PDLIM4: variants seen among roughly 807,000 people sequenced by gnomAD.
PDLIM4 encodes PDZ and LIM domain 4.
PDLIM4 carries 19 observed loss-of-function variants against 31.3 expected under a neutral mutation model. The ratio of observed to expected loss-of-function variants is 0.61; its 90% CI spans 0.42 to 0.89. The LOEUF is 0.89. PDLIM4 is among the 40% of genes least tolerant of loss of function. The pLI, the probability that PDLIM4 is intolerant of heterozygous loss-of-function variation, is 0.00. For synonymous variants in PDLIM4, 176 were observed against 190.1 expected (o/e 0.93, Z 0.61); for missense variants, 442 against 461.1 (o/e 0.96, Z 0.38).
In PDLIM4 at chr5:132,266,514, C is replaced by A. The variant is rs1756495951; in HGVS notation, c.296C>A (p.Ala99Glu). The A allele has an allele frequency of 6.2e-7, 1 of 1,613,280 alleles. No individual in the cohort carries two copies. The highest frequency in any genetic ancestry group is 8.5e-7 in the Non-Finnish European group (1 of 1,179,400). The stretch of plus-strand genomic sequence containing the variant: ...GCCCCTGATGACAGCAAGGCTCAGG[C>A]ACACAGGATCCACATCGATCCTGAG... ...PSAPDDSKAQ[A>E]HRIHIDPEIQ... Residue 99 changes from alanine (A) to glutamate (E), a missense_variant, in exon 3 of 7, where the codon GCA becomes GAA. Transcript: ENST00000253754.
chr5:132,271,747 T>C (rs1437620705), intron 5 of PDLIM4, 44 bp from the exon 6 acceptor site: 2 of 1,330,644 alleles, frequency 1.5e-6, no homozygotes, highest in South Asian at 2.3e-5. Context: ...AATGGAGTTC[T>C]GACCTCCTCA....
chr5:132,272,640 CG>C lies in PDLIM4; in HGVS notation c.*416del. 1 of 281,474 alleles carries C rather than the reference CG, an allele frequency of 3.6e-6. No individual in the cohort carries two copies. The highest frequency in any genetic ancestry group is 8.5e-5 in the East Asian group (1 of 11,728). 17.4% of individuals were successfully genotyped at this position (281,474 alleles called of 1,614,324 possible). A position where few individuals can be genotyped will look rare whatever the true frequency, so the allele number is the denominator to read the frequency against. ...AGATGAGGGAGGCACAAACTCTGCA[CG>C]GGGGAACTGTGTGTGCAAAGGTGAG... On this transcript the variant is annotated 3_prime_UTR_variant, in exon 7 of 7. Transcript: ENST00000253754.
At chr5:132,267,601 C>T (rs987642284) in intron 3 of PDLIM4, among the ~76,000 whole-genome samples, 5 of 152,124 alleles carry the variant, frequency 3.3e-5, no homozygotes, top group African/African-American at 4.8e-5. Context: ...AAGCCAAGAC[C>T]TGAAGGGCTA....
chr5:132,272,125 G>A lies in PDLIM4; in HGVS notation c.889G>A (p.Asp297Asn). 6.2e-7 allele frequency: 1 copy of A among 1,614,252 alleles called. No homozygotes were observed. The highest frequency in any genetic ancestry group is 1.1e-5 in the South Asian group (1 of 91,088). ...NLKQRGYFFL[D>N]ERLYCESHAK... Reference sequence around the variant, plus strand: ...CAAGCAGCGTGGTTACTTCTTTCTGGACGAGCGGCTCTACTGTGAGAGCCA... The same window carrying A: ...CAAGCAGCGTGGTTACTTCTTTCTGAACGAGCGGCTCTACTGTGAGAGCCA... The change falls in exon 7 of 7, where the codon GAC becomes AAC. Residue 297 changes from aspartate (D) to asparagine (N), a missense_variant. Physicochemically the swap from Asp to Asn is conservative, Grantham distance 23. Coordinates refer to ENST00000253754, the MANE Select transcript of PDLIM4 (RefSeq NM_003687.4).
Position 132,266,557 on chromosome 5 carries a change from C to T in PDLIM4, c.327+12C>T, listed in dbSNP as rs753733054. ...ATCCTGAGATCCAGGTATGTACAGA[C>T]ACTGCCTGGCCTGGCCTGGCTCAGA... On this transcript the variant is annotated intron_variant, in intron 3 of 6. Transcript: ENST00000253754. The T allele has an allele frequency of 3.8e-6, 6 of 1,592,324 alleles. No homozygotes were observed. Among genetic ancestry groups the T allele is most frequent in the Non-Finnish European group, 5.2e-6 (6 of 1,161,310 alleles).
At chr5:132,266,569 T>A in intron 3 of PDLIM4, 24 bp downstream of exon 3, 1 of 1,553,342 alleles carries the variant, frequency 6.4e-7, no homozygotes, top group Non-Finnish European at 8.9e-7. Context: ...CTGCCTGGCC[T>A]GGCCTGGCTC....
chr5:132,258,980 A>G (rs1756308400), intron 1 of PDLIM4, among the ~76,000 whole-genome samples: 1 of 152,104 alleles, frequency 6.6e-6, no homozygotes, highest in Non-Finnish European at 1.5e-5. Context: ...GCGTGGAATC[A>G]TGGAATCCCG....
chr5:132,257,780 C>G lies in PDLIM4; in HGVS notation c.46C>G (p.Arg16Gly). ...GCGCGGGCCTTCGCCCTGGGGCTTC[C>G]GCCTGGTGGGCGGCCGGGACTTCAG... ...TLRGPSPWGF[R>G]LVGGRDFSAP... The change falls in exon 1 of 7, where the codon CGC becomes GGC. Residue 16 changes from arginine to glycine, a missense_variant. Coordinates refer to ENST00000253754, the MANE Select transcript of PDLIM4 (RefSeq NM_003687.4). This position sits in a 1 kb window ranked among gnomAD's most constrained non-coding sequence, Gnocchi z 4.3. 1.3e-6 allele frequency: 2 copies of G among 1,506,484 alleles called. No homozygotes were observed. Among genetic ancestry groups the G allele is most frequent in the Non-Finnish European group, 1.8e-6 (2 of 1,132,380 alleles). The allele number at this position is 1,506,484 out of a possible 1,614,324, so 93.3% of individuals were successfully genotyped here.
At chr5:132,264,508 C>A (rs1433795784) in intron 2 of PDLIM4, among the ~76,000 whole-genome samples, 1 of 152,166 alleles carries the variant, frequency 6.6e-6, no homozygotes, top group African/African-American at 2.4e-5. Flanking sequence ...AAAATATGGA[C>A]CATCTTGCGC....
At chr5:132,270,363 A>G (rs1407758304) in intron 3 of PDLIM4, 1 of 153,420 alleles carries the variant, frequency 6.5e-6, no homozygotes, top group African/African-American at 2.4e-5. Flanking sequence ...TGACCTCACA[A>G]TGGCACTCTT....
rs1175466311 is a variant in PDLIM4 at position 132,266,743 on chromosome 5, T to C, written c.327+198T>C. The C allele has an allele frequency of 1.3e-5, 6 of 467,992 alleles. No homozygotes were observed. In the Admixed American group the frequency reaches 2.3e-4, roughly 18 times the overall value. The allele number at this position is 467,992 out of a possible 1,614,324, so 29.0% of individuals were successfully genotyped here. A position where few individuals can be genotyped will look rare whatever the true frequency, so the allele number is the denominator to read the frequency against. ...CAGATGATGAGCACCTGGTGTGGGC[T>C]CTGTCTCTACTCCGGGCAATCCTGG... On this transcript the variant is annotated intron_variant, in intron 3 of 6. Coordinates refer to ENST00000253754, the MANE Select transcript of PDLIM4 (RefSeq NM_003687.4).
At chr5:132,261,875 A>G (rs1300901642) in intron 1 of PDLIM4, among the ~76,000 whole-genome samples, 1 of 152,188 alleles carries the variant, frequency 6.6e-6, no homozygotes, top group Non-Finnish European at 1.5e-5. Context: ...CATTTTAATT[A>G]TAATGAAGTA....
chr5:132,271,012 G>A lies in PDLIM4; in HGVS notation c.425G>A (p.Arg142His), dbSNP rs755408398. The A allele has an allele frequency of 5.6e-6, 9 of 1,614,096 alleles. No individual in the cohort carries two copies. The highest frequency in any genetic ancestry group is 1.1e-5 in the South Asian group (1 of 91,076). The change falls in exon 4 of 7, where the codon CGC becomes CAC. Residue 142 changes from arginine to histidine, a missense_variant. By Grantham distance (29) the Arg-to-His change is conservative. Transcript: ENST00000253754. ...GGATCTCCATATGGACAACCCCCTC[G>A]CTTTCCAGTCCCTCACAATGGCAGC... is the stretch of plus-strand genomic sequence containing the variant. ...SLGSPYGQPPRFPVPHNGSSE... is the reference protein window; with the variant it reads ...SLGSPYGQPPHFPVPHNGSSE...
At chr5:132,266,990 C>T (rs374345465) in intron 3 of PDLIM4, among the ~76,000 whole-genome samples, 1 of 152,216 alleles carries the variant, frequency 6.6e-6, no homozygotes, top group African/African-American at 2.4e-5. Flanking sequence ...AAGTTCTCTC[C>T]TGGCCATCCT....
intron 5 of PDLIM4, 23 bp downstream of exon 5, chr5:132,271,489 C>T (rs1352773405): frequency 6.2e-7 from 1 of 1,605,680 alleles, no homozygotes; most frequent in Non-Finnish European, 8.5e-7. Flanking sequence ...CCACCTGTCC[C>T]CATCTGCCTT....
chr5:132,264,159 G>C (rs1223711300), intron 2 of PDLIM4, among the ~76,000 whole-genome samples: 1 of 152,144 alleles, frequency 6.6e-6, no homozygotes, highest in Non-Finnish European at 1.5e-5. Flanking sequence ...CCTCAGAGGG[G>C]GCCTGAGTCA....
Position 132,257,861 on chromosome 5 carries a change from C to CTCAGACATGGGACCG in PDLIM4, c.93+34_93+35insTCAGACATGGGACCG. Reference sequence around the variant, plus strand: ...GGCGGCTGCGTGGCGGCAGGGCGGTCCCATGTCTGAGACCGGGTTCTCGCG... The same window carrying CTCAGACATGGGACCG: ...GGCGGCTGCGTGGCGGCAGGGCGGTCTCAGACATGGGACCGCCATGTCTGAGACCGGGTTCTCGCG... On this transcript the variant is annotated intron_variant, in intron 1 of 6. Transcript: ENST00000253754. The surrounding 1 kb of genome is among the most constrained non-coding windows in gnomAD (Gnocchi z 4.3). 2 of 1,275,684 alleles carry CTCAGACATGGGACCG rather than the reference C, an allele frequency of 1.6e-6. No homozygotes were observed. Among genetic ancestry groups the CTCAGACATGGGACCG allele is most frequent in the Non-Finnish European group, 2.1e-6 (2 of 953,308 alleles). 79.0% of individuals were successfully genotyped at this position (1,275,684 alleles called of 1,614,324 possible).
At chr5:132,268,612 G>A (rs530864435) in intron 3 of PDLIM4, among the ~76,000 whole-genome samples, 21 of 152,228 alleles carry the variant, frequency 1.4e-4, no homozygotes, top group Non-Finnish European at 2.2e-4. Flanking sequence ...TTCTGGGTTA[G>A]TAGGGTTTTC....
At chr5:132,260,583 A>C (rs188115624) in intron 1 of PDLIM4, among the ~76,000 whole-genome samples, 159 of 152,202 alleles carry the variant, frequency 1.0e-3, no homozygotes, top group African/African-American at 3.7e-3. Context: ...CTGGAACACT[A>C]TCTCTCCCTC....
Sources: allele counts gnomAD v4.1 joint callset (sites outside exome capture counted in the v4.1 genomes callset), GRCh38; gene constraint gnomAD v4.1.1; non-coding constraint Gnocchi (gnomAD v3.1); transcripts MANE v1.5; gene names NCBI Gene and HGNC (gene_info 2026-07-23, HGNC 2026-07-21).